Variants in ADAMTS10 observed in about 807,000 individuals in gnomAD.
ADAMTS10 encodes ADAM metallopeptidase with thrombospondin type 1 motif 10, also known as A disintegrin and metalloproteinase with thrombospondin motifs 10.
A neutral mutation model predicts 135.9 loss-of-function variants in ADAMTS10; 48 were observed. The ratio of observed to expected loss-of-function variants is 0.35; its 90% CI spans 0.28 to 0.45. The LOEUF is 0.45. Ranked by LOEUF, ADAMTS10 falls within the 20% of genes least tolerant of loss-of-function variation. The pLI, the probability that ADAMTS10 is intolerant of heterozygous loss-of-function variation, is 1.00. For synonymous variants in ADAMTS10, 621 were observed against 647.5 expected, an observed-to-expected ratio of 0.96 and a Z score of 0.62; for missense variants, 1,131 against 1,565.2, an observed-to-expected ratio of 0.72 and a Z score of 4.68.
chr19:8,585,750 C>T (rs1305646675), intron 22 of ADAMTS10, 90 bp from the exon 23 acceptor site: 16 of 1,316,986 alleles, frequency 1.2e-5, no homozygotes, highest in Non-Finnish European at 1.6e-5. Context: ...CCCACCCTTC[C>T]AATCACCCAG....
rs900227714 is a variant in ADAMTS10 at position 8,584,753 on chromosome 19, G to A, written c.3202+142C>T. 31 of 1,222,922 alleles carry A rather than the reference G, an allele frequency of 2.5e-5. No homozygotes were observed. The South Asian group carries it at 3.4e-4, about 13-fold the overall frequency. 75.8% of individuals were successfully genotyped at this position (1,222,922 alleles called of 1,614,324 possible). A position where few individuals can be genotyped will look rare whatever the true frequency, so the allele number is the denominator to read the frequency against. The stretch of plus-strand genomic sequence containing the variant: ...TAATAAATGCTTGCAGGGAGGGGAT[G>A]GTGAAGGATGGCCTGGCAGAGACAC... On this transcript the variant is annotated intron_variant, in intron 25 of 25. Transcript: ENST00000597188.
At position 8,586,188 on chromosome 19, in the gene ADAMTS10, T is replaced by C; in HGVS notation, c.2594A>G (p.Tyr865Cys). The change falls in exon 22 of 26, where the codon TAC becomes TGC. Residue 865 changes from tyrosine to cysteine, a missense_variant. Around this residue, in one of 3 missense-constraint regions of ADAMTS10, gnomAD observed 745 missense variants for 1,056.3 expected, o/e 0.71. Transcript: ENST00000597188. Reference sequence around the variant, plus strand: ...GGGCAGCTTGCTGTGGGCACTGCAGTAGTGGGGGGCGACCGCGGAGCTGTC... The same window carrying C: ...GGGCAGCTTGCTGTGGGCACTGCAGCAGTGGGGGGCGACCGCGGAGCTGTC... ...QLDSSAVAPH[Y>C]CSAHSKLPKR... 6.2e-7 allele frequency: 1 copy of C among 1,612,792 alleles called. No homozygotes were observed.
chr19:8,593,008 G>A (rs1367998099), intron 12 of ADAMTS10, 138 bp from the exon 13 acceptor site: 8 of 784,080 alleles, frequency 1.0e-5, no homozygotes, highest in African/African-American at 6.8e-5. Context: ...CCTGGCTCGC[G>A]GTGGGTCTTC....
At chr19:8,595,698 T>TGCCAGCCCC in intron 12 of ADAMTS10, 64 bp downstream of exon 12, 2 of 1,291,942 alleles carry the variant, frequency 1.5e-6, no homozygotes, top group Non-Finnish European at 2.2e-6. Flanking sequence ...CTGGTGGAGT[T>TGCCAGCCCC]CCCTCCCCCA....
At chr19:8,600,195 T>C (rs2042647477) in intron 6 of ADAMTS10, among the ~76,000 whole-genome samples, 1 of 152,220 alleles carries the variant, frequency 6.6e-6, no homozygotes, top group South Asian at 2.1e-4. Flanking sequence ...ATGAATGCAC[T>C]GGATCTACCT....
chr19:8,604,369 T>A (rs1433731069), intron 4 of ADAMTS10, among the ~76,000 whole-genome samples: 1 of 150,752 alleles, frequency 6.6e-6, no homozygotes, highest in African/African-American at 2.4e-5. Flanking sequence ...AGCCTCTAAT[T>A]TCTTTTTATT....
rs151216219 is a variant in ADAMTS10, at chr19:8,580,654, A to AGG, written c.*237_*238dup. The AGG allele has an allele frequency of 1.6e-5, 8 of 506,488 alleles. No homozygotes were observed. The highest frequency in any genetic ancestry group is 6.5e-5 in the Admixed American group (2 of 30,584). 31.4% of individuals were successfully genotyped at this position (506,488 alleles called of 1,614,324 possible). A position where few individuals can be genotyped will look rare whatever the true frequency, so the allele number is the denominator to read the frequency against. On this transcript the variant is annotated 3_prime_UTR_variant, in exon 26 of 26. Transcript: ENST00000597188. ...TGTCCCCTCCCCAGACCCACCCTGG[A>AGG]GGGGGGGTCTCACTATGTGAACTGG... is the stretch of plus-strand genomic sequence containing the variant.
In ADAMTS10 at chr19:8,580,925, G is replaced by A. The variant is rs1555735653; in HGVS notation, c.3280C>T (p.Gln1094Ter). The change falls in exon 26 of 26, where the codon CAG (glutamine) becomes TAG (stop). Residue 1094 changes from glutamine to a stop codon, truncating the protein, a stop_gained. Transcript: ENST00000597188. LOFTEE classifies it high-confidence loss of function. ...CCATGGCAGGTTTTGCAGCACATCT[G>A]GCGGAAGTAGGCTCGGCTGCAGAAC... Reference protein sequence around the residue: ...FQFCSRAYFRQMCCKTCHGH With the variant: ...FQFCSRAYFR 1.2e-6 allele frequency: 2 copies of A among 1,613,044 alleles called. No homozygotes were observed. The highest frequency in any genetic ancestry group is 1.7e-6 in the Non-Finnish European group (2 of 1,179,614).
intron 12 of ADAMTS10, among the ~76,000 whole-genome samples, chr19:8,595,299 T>G (rs1387201102): frequency 1.3e-5 from 2 of 151,312 alleles, no homozygotes; most frequent in Non-Finnish European, 1.5e-5. Context: ...TGGGGAGAGG[T>G]CAGGAGGCTC....
chr19:8,592,210 G>C (rs2042543397), intron 13 of ADAMTS10, 107 bp from the exon 14 acceptor site: 3 of 1,569,138 alleles, frequency 1.9e-6, no homozygotes, highest in Non-Finnish European at 2.6e-6. Context: ...AGCCTCTCCG[G>C]GATGGGCAGA....
chr19:8,589,405 A>ACC, intron 17 of ADAMTS10, 40 bp from the exon 18 acceptor site: 3 of 657,838 alleles, frequency 4.6e-6, no homozygotes, highest in Non-Finnish European at 6.8e-6. Context: ...CCCCTAACCC[A>ACC]CCCCCGCTCC....
Position 8,590,090 on chromosome 19 carries a change from G to C in ADAMTS10, c.1798-99C>G, listed in dbSNP as rs968916666. 1.1e-5 allele frequency: 9 copies of C among 841,676 alleles called. No individual in the cohort carries two copies. The African/African-American group carries it at 1.2e-4, about 11-fold the overall frequency. 52.1% of individuals were successfully genotyped at this position (841,676 alleles called of 1,614,324 possible). A position where few individuals can be genotyped will look rare whatever the true frequency, so the allele number is the denominator to read the frequency against. ...AAGATGGGCTGGAGGAGGGAGGCTA[G>C]AGGCAGGGAGGCCAGGGAGGAGGCT... On this transcript the variant is annotated intron_variant, in intron 15 of 25. Coordinates refer to ENST00000597188, the MANE Select transcript of ADAMTS10 (RefSeq NM_030957.4).
chr19:8,585,226 G>T lies in ADAMTS10; in HGVS notation c.2948C>A (p.Ala983Glu), dbSNP rs1555736606. Residue 983 changes from alanine to glutamate, a missense_variant, in exon 24 of 26, where the codon GCG becomes GAG. Ala to Glu is a moderately radical substitution (Grantham distance 107). Coordinates refer to ENST00000597188, the MANE Select transcript of ADAMTS10 (RefSeq NM_030957.4). ...TGGCTTGGCGGCGGGTGAGCAGTGC[G>T]CCGGGGGCAGCGTGGCGCGGTGGTC... Reference protein sequence around the residue: ...SADHRATLPPAHCSPAAKPPA... With the variant: ...SADHRATLPPEHCSPAAKPPA... 4 of 1,453,340 alleles carry T rather than the reference G, an allele frequency of 2.8e-6. No homozygotes were observed. The East Asian group carries it at 1.0e-4, about 38-fold the overall frequency. The allele number at this position is 1,453,340 out of a possible 1,614,324, so 90.0% of individuals were successfully genotyped here. A position where few individuals can be genotyped will look rare whatever the true frequency, so the allele number is the denominator to read the frequency against.
chr19:8,595,366 G>A (rs920076817), intron 12 of ADAMTS10, among the ~76,000 whole-genome samples: 26 of 152,150 alleles, frequency 1.7e-4, no homozygotes, highest in Non-Finnish European at 3.5e-4. Flanking sequence ...TTGCCAAGTA[G>A]GAAAGATGGC....
At chr19:8,603,102 TCTAA>T (rs2042683918) in intron 5 of ADAMTS10, among the ~76,000 whole-genome samples, 1 of 152,148 alleles carries the variant, frequency 6.6e-6, no homozygotes, top group African/African-American at 2.4e-5. Context: ...CACCACACCG[TCTAA>T]CTGTCTGATC....
Position 8,592,821 on chromosome 19 carries a change from G to A in ADAMTS10, c.1529C>T (p.Thr510Ile). Residue 510 changes from threonine to isoleucine, a missense_variant, in exon 13 of 26, where the codon ACC becomes ATC. Around this residue, in one of 3 missense-constraint regions of ADAMTS10, gnomAD observed 745 missense variants for 1,056.3 expected, o/e 0.71. Transcript: ENST00000597188. Reference sequence around the variant, plus strand: ...GCCCTCGGCGGCCGGGATGCTGTTGGTGATGCACCGGTTGCTCTTGCTCAG... The same window carrying A: ...GCCCTCGGCGGCCGGGATGCTGTTGATGATGCACCGGTTGCTCTTGCTCAG... ...WCLSKSNRCI[T>I]NSIPAAEGTL... 1 of 1,613,158 alleles carries A rather than the reference G, an allele frequency of 6.2e-7. No homozygotes were observed. Among genetic ancestry groups the A allele is most frequent in the Non-Finnish European group, 8.5e-7 (1 of 1,179,892 alleles).
chr19:8,592,400 CT>C (rs1456200302), intron 13 of ADAMTS10, among the ~76,000 whole-genome samples: 6 of 151,880 alleles, frequency 4.0e-5, no homozygotes, highest in Non-Finnish European at 7.4e-5. Context: ...GAGGGGAGGT[CT>C]ACAGGCAGTA....
At chr19:8,590,815 C>T (rs544889106) in intron 15 of ADAMTS10, among the ~76,000 whole-genome samples, 17 of 152,174 alleles carry the variant, frequency 1.1e-4, no homozygotes, top group African/African-American at 3.6e-4. Context: ...AGGATGGTCT[C>T]GAACTCCTGA....
intron 6 of ADAMTS10, 87 bp from the exon 7 acceptor site, chr19:8,597,404 T>G: frequency 8.3e-7 from 1 of 1,203,146 alleles, no homozygotes; most frequent in Non-Finnish European, 1.2e-6. Flanking sequence ...ACAGCTTGCT[T>G]TCATCAGGCA....
Sources: allele counts gnomAD v4.1 joint callset (sites outside exome capture counted in the v4.1 genomes callset), GRCh38; gene constraint gnomAD v4.1.1; regional missense constraint gnomAD v4.1.1; transcripts MANE v1.5; gene names NCBI Gene and HGNC (gene_info 2026-07-23, HGNC 2026-07-21).